LDLRAD3: variants seen among roughly 807,000 people sequenced by gnomAD.
The protein encoded by LDLRAD3 is low density lipoprotein receptor class A domain containing 3, also known as low-density lipoprotein receptor class A domain-containing protein 3.
A neutral mutation model predicts 29.4 loss-of-function variants in LDLRAD3; 20 were observed. The ratio of observed to expected loss-of-function variants is 0.68; its 90% CI spans 0.48 to 0.99. The LOEUF (loss-of-function observed/expected upper bound fraction) is 0.99, where lower values mean the gene tolerates loss of function less well. Among genes scored for constraint, LDLRAD3 ranks in the 50% least tolerant of loss-of-function variants. The pLI, the probability that LDLRAD3 is intolerant of heterozygous loss-of-function variation, is 0.00. For missense variants in LDLRAD3, 420 were observed against 454.3 expected, an observed-to-expected ratio of 0.92 and a Z score of 0.69; for synonymous variants, 157 against 192.7, an observed-to-expected ratio of 0.81 and a Z score of 1.53.
At chr11:36,185,332 A>G (rs1162821293) in intron 4 of LDLRAD3, among the ~76,000 whole-genome samples, 1 of 152,256 alleles carries the variant, frequency 6.6e-6, no homozygotes, top group Non-Finnish European at 1.5e-5. Context: ...CAATAAAAAG[A>G]TCAAATAGTA....
intron 1 of LDLRAD3, among the ~76,000 whole-genome samples, chr11:35,954,359 AAAG>A (rs1023400280): frequency 3.3e-5 from 5 of 152,334 alleles, no homozygotes; most frequent in African/African-American, 1.2e-4. Flanking sequence ...TGAACAGAAA[AAAG>A]AATTCTTCTC....
At chr11:35,947,093 T>G (rs191314551) in intron 1 of LDLRAD3, among the ~76,000 whole-genome samples, 1 of 152,064 alleles carries the variant, frequency 6.6e-6, no homozygotes, top group Non-Finnish European at 1.5e-5. Context: ...TGAAGAGTGG[T>G]TTAGACACCT....
chr11:36,146,544 T>G (rs547455098), intron 4 of LDLRAD3, among the ~76,000 whole-genome samples: 1 of 152,174 alleles, frequency 6.6e-6, no homozygotes, highest in African/African-American at 2.4e-5. Flanking sequence ...GTTATTCTCG[T>G]ACAGTTCAGA....
chr11:36,023,985 C>G (rs2133200007), intron 1 of LDLRAD3, among the ~76,000 whole-genome samples: 1 of 152,330 alleles, frequency 6.6e-6, no homozygotes, highest in East Asian at 1.9e-4. Flanking sequence ...CCAGGGTCTG[C>G]ACTGGGAGGT....
chr11:36,102,972 C>T (rs1176804826), intron 4 of LDLRAD3, among the ~76,000 whole-genome samples: 1 of 152,024 alleles, frequency 6.6e-6, no homozygotes, highest in East Asian at 1.9e-4. Context: ...ATTCTTTTGG[C>T]GTGTGTCAAA....
chr11:35,964,699 G>C (rs1232828609), intron 1 of LDLRAD3, among the ~76,000 whole-genome samples: 1 of 152,108 alleles, frequency 6.6e-6, no homozygotes, highest in African/African-American at 2.4e-5. Context: ...TTGTAAATTA[G>C]GGTTGAGCCT....
chr11:36,161,794 G>A (rs1456262569), intron 4 of LDLRAD3, among the ~76,000 whole-genome samples: 2 of 152,198 alleles, frequency 1.3e-5, no homozygotes, highest in Admixed American at 1.3e-4. Context: ...ACAAGTGTAA[G>A]TTCTTGAGGA....
At chr11:36,036,718 A>G (rs1465671174) in intron 2 of LDLRAD3, among the ~76,000 whole-genome samples, 1 of 152,194 alleles carries the variant, frequency 6.6e-6, no homozygotes, top group East Asian at 1.9e-4. Flanking sequence ...CCTGCCAAGT[A>G]TTCAGCATGG....
At chr11:36,168,110 G>A (rs1001469677) in intron 4 of LDLRAD3, among the ~76,000 whole-genome samples, 1 of 152,172 alleles carries the variant, frequency 6.6e-6, no homozygotes, top group Non-Finnish European at 1.5e-5. Context: ...CAAATGAGGA[G>A]GAGCTGAATT....
At chr11:36,154,968 G>A (rs2133331490) in intron 4 of LDLRAD3, among the ~76,000 whole-genome samples, 1 of 152,198 alleles carries the variant, frequency 6.6e-6, no homozygotes, top group East Asian at 1.9e-4. Context: ...TCCTTGGGCA[G>A]CTCCTCCTCT....
At chr11:36,080,586 A>G (rs1240031455) in intron 2 of LDLRAD3, among the ~76,000 whole-genome samples, 2 of 152,182 alleles carry the variant, frequency 1.3e-5, no homozygotes, top group African/African-American at 4.8e-5. Context: ...AAGCGCATTT[A>G]TGAAGTGGTG....
chr11:36,190,495 G>T (rs1015187772), intron 4 of LDLRAD3, among the ~76,000 whole-genome samples: 11 of 152,158 alleles, frequency 7.2e-5, no homozygotes, highest in African/African-American at 2.6e-4. Context: ...GTGAGACCTT[G>T]TCTCTAAAAA....
chr11:36,085,931 T>C (rs1053656399), intron 3 of LDLRAD3, among the ~76,000 whole-genome samples: 3 of 152,172 alleles, frequency 2.0e-5, no homozygotes, highest in Admixed American at 2.0e-4. Flanking sequence ...TGTTCATTTT[T>C]AATCACTCCT....
chr11:35,965,304 G>A (rs1851326214), intron 1 of LDLRAD3, among the ~76,000 whole-genome samples: 1 of 152,198 alleles, frequency 6.6e-6, no homozygotes, highest in Admixed American at 6.5e-5. Context: ...AGTGGAATAA[G>A]TTTAATTCTA....
At chr11:36,170,229 A>T (rs975368151) in intron 4 of LDLRAD3, among the ~76,000 whole-genome samples, 1 of 150,620 alleles carries the variant, frequency 6.6e-6, no homozygotes, top group Non-Finnish European at 1.5e-5. Flanking sequence ...ACAATATTCC[A>T]TGGTGTGTAT....
chr11:36,023,598 A>G (rs1300606153), intron 1 of LDLRAD3, among the ~76,000 whole-genome samples: 2 of 152,174 alleles, frequency 1.3e-5, no homozygotes, highest in African/African-American at 4.8e-5. Flanking sequence ...CTCTATGTCA[A>G]TCCCACTTAT....
intron 4 of LDLRAD3, among the ~76,000 whole-genome samples, chr11:36,118,713 C>A (rs886151127): frequency 6.6e-6 from 1 of 151,690 alleles, no homozygotes; most frequent in African/African-American, 2.4e-5. Context: ...ATATTAATTC[C>A]CCCATTTAAA....
chr11:36,087,527 A>G (rs561478282), intron 3 of LDLRAD3, among the ~76,000 whole-genome samples: 47 of 152,356 alleles, frequency 3.1e-4, no homozygotes, highest in African/African-American at 1.1e-3. Context: ...GAAATCTTCC[A>G]TAATGAAATG....
At chr11:36,199,945 T>A (rs539494513) in intron 4 of LDLRAD3, among the ~76,000 whole-genome samples, 9 of 152,214 alleles carry the variant, frequency 5.9e-5, no homozygotes, top group African/African-American at 2.2e-4. Context: ...GGTGGGCAGA[T>A]CTCTTGAGGT....
Sources: gnomAD v4.1 joint callset for allele counts (sites outside exome capture counted in the v4.1 genomes callset) on GRCh38, gnomAD v4.1.1 for gene constraint, MANE v1.5 for transcripts, NCBI Gene and HGNC (gene_info 2026-07-23, HGNC 2026-07-21) for gene names.